The following CNTNAP2 variants were observed in gnomAD, a reference collection of about 807,000 sequenced individuals.
The protein encoded by CNTNAP2 is contactin associated protein 2, also known as contactin-associated protein-like 2.
A neutral mutation model predicts 155.2 loss-of-function variants in CNTNAP2; 98 were observed. That is an observed-to-expected ratio of 0.63 (90% CI 0.54 to 0.75). The LOEUF is 0.75. Among genes scored for constraint, CNTNAP2 ranks in the 30% least tolerant of loss-of-function variants. CNTNAP2 has a pLI of 0.00. For missense variants in CNTNAP2, 1,727 were observed against 1,688.1 expected, an observed-to-expected ratio of 1.02 and a Z score of -0.40; for synonymous variants, 651 against 631.2, an observed-to-expected ratio of 1.03 and a Z score of -0.47.
chr7:146,748,143 C>CTTTTTTTTTTTTTTTT (rs61495352), intron 1 of CNTNAP2, among the ~76,000 whole-genome samples: 31 of 97,980 alleles, frequency 3.2e-4, no homozygotes, highest in African/African-American at 6.6e-4. Context: ...CTTTTCTTTT[C>CTTTTTTTTTTTTTTTT]TTTTTTTTTT....
chr7:146,984,863 A>G (rs2129237603), intron 3 of CNTNAP2, among the ~76,000 whole-genome samples: 1 of 152,338 alleles, frequency 6.6e-6, no homozygotes, highest in East Asian at 1.9e-4. Flanking sequence ...CGTCAGCTAA[A>G]CATAATGCTG....
In CNTNAP2 at chr7:147,003,869, T is replaced by G. The variant is rs374595475; in HGVS notation, c.403-40038T>G. 3.3e-5 allele frequency among the ~76,000 whole-genome samples: 5 copies of G among 152,010 alleles called. No individual in the cohort carries two copies. The East Asian group carries it at 9.7e-4, about 29-fold the overall frequency. On this transcript the variant is annotated intron_variant, in intron 3 of 23. Transcript: ENST00000361727. ...TATAGTGAGCCCCCATATTTACAAA[T>G]AATTTTTTAAAAATTATCCAGGCAT... is the stretch of plus-strand genomic sequence containing the variant.
intron 10 of CNTNAP2, among the ~76,000 whole-genome samples, chr7:147,407,459 C>A (rs1797026135): frequency 9.1e-6 from 1 of 109,906 alleles, no homozygotes; most frequent in African/African-American, 3.5e-5. Context: ...CAGAGCGAGA[C>A]TCCCTCTCAA....
chr7:146,462,505 C>T (rs1343450214), intron 1 of CNTNAP2, among the ~76,000 whole-genome samples: 1 of 152,100 alleles, frequency 6.6e-6, no homozygotes, highest in African/African-American at 2.4e-5. Flanking sequence ...TTTTCCTTTC[C>T]GAGCATCTCA....
chr7:146,283,674 T>A (rs1339461736), intron 1 of CNTNAP2, among the ~76,000 whole-genome samples: 1 of 152,226 alleles, frequency 6.6e-6, no homozygotes, highest in African/African-American at 2.4e-5. Flanking sequence ...CTTAAACCTA[T>A]TTTTAAAATT....
intron 1 of CNTNAP2, among the ~76,000 whole-genome samples, chr7:146,753,399 C>T (rs1017296794): frequency 6.6e-6 from 1 of 151,780 alleles, no homozygotes; most frequent in African/African-American, 2.4e-5. Context: ...TGGTCAATAT[C>T]TGAACTTGCT....
At chr7:147,949,184 G>C (rs1267897908) in intron 14 of CNTNAP2, among the ~76,000 whole-genome samples, 3 of 151,086 alleles carry the variant, frequency 2.0e-5, no homozygotes, top group Non-Finnish European at 4.4e-5. Flanking sequence ...TGGGCAATAA[G>C]AGCGAAACTC....
intron 2 of CNTNAP2, among the ~76,000 whole-genome samples, chr7:146,810,460 C>T (rs1049391918): frequency 1.1e-4 from 16 of 151,832 alleles, no homozygotes; most frequent in African/African-American, 2.4e-5. Context: ...ATCATGGGAA[C>T]ATTTTCTTAG....
intron 15 of CNTNAP2, among the ~76,000 whole-genome samples, chr7:147,978,697 T>C (rs529264637): frequency 6.6e-6 from 1 of 152,246 alleles, no homozygotes; most frequent in South Asian, 2.1e-4. Flanking sequence ...GGTTGCACTG[T>C]GGGGATTCTG....
intron 1 of CNTNAP2, among the ~76,000 whole-genome samples, chr7:146,715,700 C>G (rs1010226759): frequency 5.3e-5 from 8 of 152,044 alleles, no homozygotes; most frequent in Non-Finnish European, 1.2e-4. Context: ...ACAGTTTTGT[C>G]AAAAAGAGAC....
At chr7:146,642,244 G>C (rs1317891724) in intron 1 of CNTNAP2, among the ~76,000 whole-genome samples, 12 of 151,070 alleles carry the variant, frequency 7.9e-5, no homozygotes, top group Non-Finnish European at 1.8e-4. Context: ...TGCCATGCTG[G>C]TGCACTGCAC....
chr7:146,924,141 T>C (rs1796559721), intron 3 of CNTNAP2, among the ~76,000 whole-genome samples: 1 of 152,160 alleles, frequency 6.6e-6, no homozygotes, highest in Non-Finnish European at 1.5e-5. Flanking sequence ...TCTGTCCCAA[T>C]AGTGGGTTCC....
chr7:146,253,760 A>G (rs1032896295), intron 1 of CNTNAP2, among the ~76,000 whole-genome samples: 1 of 152,212 alleles, frequency 6.6e-6, no homozygotes, highest in African/African-American at 2.4e-5. Context: ...TAAAAGATGT[A>G]TCTAAAACAT....
intron 4 of CNTNAP2, among the ~76,000 whole-genome samples, chr7:147,092,592 T>G (rs950365307): frequency 3.9e-5 from 6 of 152,140 alleles, no homozygotes; most frequent in Admixed American, 2.0e-4. Context: ...AAATATTTGT[T>G]TTTATGTTGC....
rs561924834 is a variant in CNTNAP2, at chr7:147,060,844, A to T, written c.550+16790A>T. On this transcript the variant is annotated intron_variant, in intron 4 of 23. Coordinates refer to ENST00000361727, the MANE Select transcript of CNTNAP2 (RefSeq NM_014141.6). ...GCGCCACTGCACTCCAGCCTGGGGGACAGAGCGAGACTCTGTCTCAAAAAA... is the reference window on the plus strand; with the variant it reads ...GCGCCACTGCACTCCAGCCTGGGGGTCAGAGCGAGACTCTGTCTCAAAAAA... Among the ~76,000 whole-genome samples, 3 of 144,140 alleles carry T rather than the reference A, an allele frequency of 2.1e-5. No individual in the cohort carries two copies. In the South Asian group the frequency reaches 6.5e-4, roughly 31 times the overall value. The allele number at this position is 144,140 out of a possible 152,430, so 94.6% of individuals were successfully genotyped here.
At chr7:147,046,780 A>G (rs933018663) in intron 4 of CNTNAP2, among the ~76,000 whole-genome samples, 1 of 152,122 alleles carries the variant, frequency 6.6e-6, no homozygotes, top group African/African-American at 2.4e-5. Context: ...CTGTAATCCC[A>G]GCACTTTGGG....
At chr7:147,302,452 T>C (rs972604938) in intron 9 of CNTNAP2, among the ~76,000 whole-genome samples, 2 of 152,212 alleles carry the variant, frequency 1.3e-5, no homozygotes, top group African/African-American at 4.8e-5. Flanking sequence ...AGGAGAATAT[T>C]GATTTCCTCT....
At chr7:147,221,091 T>G (rs540558627) in intron 8 of CNTNAP2, among the ~76,000 whole-genome samples, 36 of 152,148 alleles carry the variant, frequency 2.4e-4, no homozygotes, top group African/African-American at 8.4e-4. Flanking sequence ...AAGCCCACTT[T>G]CAAGTAACAA....
At chr7:146,679,362 T>TTTTTTG in intron 1 of CNTNAP2, among the ~76,000 whole-genome samples, 1 of 147,046 alleles carries the variant, frequency 6.8e-6, no homozygotes. Context: ...TTTTTTTTTT[T>TTTTTTG]TTTTTGGAGA....
Sources: gnomAD v4.1 joint callset for allele counts (sites outside exome capture counted in the v4.1 genomes callset) on GRCh38, gnomAD v4.1.1 for gene constraint, MANE v1.5 for transcripts, NCBI Gene and HGNC (gene_info 2026-07-23, HGNC 2026-07-21) for gene names.